The following NELL2 variants were observed in gnomAD, a reference collection of about 807,000 sequenced individuals.
NELL2 encodes protein kinase C-binding protein NELL2.
In NELL2, 41 loss-of-function variants were observed where a neutral mutation model predicts 109.6. The ratio of observed to expected loss-of-function variants is 0.37; its 90% CI spans 0.29 to 0.49. The LOEUF (loss-of-function observed/expected upper bound fraction) is 0.49. Ranked by LOEUF, NELL2 falls within the 20% of genes least tolerant of loss-of-function variation. The pLI is 0.98. For missense variants in NELL2, 900 were observed against 1,008.3 expected (o/e 0.89, Z 1.45); for synonymous variants, 355 against 344.7 (o/e 1.03, Z -0.33).
At chr12:44,692,538 T>C (rs1948934356) in intron 12 of NELL2, among the ~76,000 whole-genome samples, 1 of 152,124 alleles carries the variant, frequency 6.6e-6, no homozygotes, top group Non-Finnish European at 1.5e-5. Context: ...CTTAAGACTA[T>C]AGCTGCCATA....
intron 2 of NELL2, among the ~76,000 whole-genome samples, chr12:44,842,109 G>GACGAAGGAAGGA (rs1944246305): frequency 2.6e-5 from 1 of 38,714 alleles, no homozygotes. Flanking sequence ...GGGAGGGAGG[G>GACGAAGGAAGGA]AGGAAGGAAG....
intron 16 of NELL2, among the ~76,000 whole-genome samples, chr12:44,530,493 C>G (rs1354029365): frequency 6.6e-6 from 1 of 152,296 alleles, no homozygotes; most frequent in East Asian, 1.9e-4. Context: ...CCCAGTGATC[C>G]TCACCACTTA....
intron 9 of NELL2, among the ~76,000 whole-genome samples, chr12:44,746,421 T>C (rs1302810372): frequency 6.6e-6 from 1 of 152,044 alleles, no homozygotes; most frequent in East Asian, 1.9e-4. Flanking sequence ...CCAAAAGCAA[T>C]GGCAACAAAA....
chr12:44,707,946 T>A (rs190325620), intron 11 of NELL2, among the ~76,000 whole-genome samples: 1 of 152,258 alleles, frequency 6.6e-6, no homozygotes, highest in African/African-American at 2.4e-5. Context: ...CTTCTGTATG[T>A]GGATGCCCCT....
At chr12:44,645,648 C>T (rs1947067052) in intron 13 of NELL2, among the ~76,000 whole-genome samples, 2 of 152,158 alleles carry the variant, frequency 1.3e-5, no homozygotes, top group South Asian at 4.1e-4. Context: ...TTCATATTAT[C>T]TAATCAACCA....
At chr12:44,722,608 G>A (rs1475980553) in intron 9 of NELL2, among the ~76,000 whole-genome samples, 1 of 152,122 alleles carries the variant, frequency 6.6e-6, no homozygotes, top group Non-Finnish European at 1.5e-5. Context: ...GTCTTACAAG[G>A]GTGGAAATGG....
At chr12:44,921,372 C>T (rs1335338798) in intron 1 of NELL2, among the ~76,000 whole-genome samples, 3 of 152,134 alleles carry the variant, frequency 2.0e-5, no homozygotes, top group Admixed American at 6.6e-5. Flanking sequence ...GGCTCTCAGA[C>T]GCTTACAGTC....
upstream of NELL2, among the ~76,000 whole-genome samples, chr12:44,879,597 G>C (rs545600450): frequency 6.6e-6 from 1 of 151,910 alleles, no homozygotes; most frequent in African/African-American, 2.4e-5. Flanking sequence ...GGAGAGGGTG[G>C]AACACAGGGA....
chr12:44,865,938 T>A (rs1944987242), intron 2 of NELL2, among the ~76,000 whole-genome samples: 1 of 152,156 alleles, frequency 6.6e-6, no homozygotes, highest in Non-Finnish European at 1.5e-5. Context: ...GAGATTCAAA[T>A]GTTGGAACCT....
intron 9 of NELL2, among the ~76,000 whole-genome samples, chr12:44,747,414 C>T (rs1206841298): frequency 4.0e-5 from 6 of 151,624 alleles, no homozygotes; most frequent in Middle Eastern, 3.2e-3. Flanking sequence ...CAAACCTGCA[C>T]GTTGTGCACA....
chr12:44,916,956 T>A (rs1945833404), upstream of NELL2, among the ~76,000 whole-genome samples: 1 of 152,208 alleles, frequency 6.6e-6, no homozygotes, highest in Non-Finnish European at 1.5e-5. Context: ...TTCAACCTGT[T>A]ATTTATTCAA....
At chr12:44,886,495 T>G (rs1945475260) in intron 1 of NELL2, among the ~76,000 whole-genome samples, 1 of 151,294 alleles carries the variant, frequency 6.6e-6, no homozygotes, top group African/African-American at 2.4e-5. Flanking sequence ...TTAAAAAAGA[T>G]AGGCAAAATA....
At position 44,607,189 on chromosome 12, in the gene NELL2, G is replaced by T. The variant is rs531819680; in HGVS notation, c.1643C>A (p.Thr548Asn). ...CTTACCCGTTTCACAGCTGGGTCCA[G>T]TGAAGCCTTGTGGGCAGGCACACAC... is the stretch of plus-strand genomic sequence containing the variant. ...ANVCACPQGF[T>N]GPSCETDIDE... Residue 548 changes from threonine to asparagine, a missense_variant, in exon 15 of 20, where the codon ACT becomes AAT. Thr to Asn is a moderately conservative substitution (Grantham distance 65). Transcript: ENST00000429094. 6.2e-7 allele frequency: 1 copy of T among 1,612,470 alleles called. No individual in the cohort carries two copies. Among genetic ancestry groups the T allele is most frequent in the Admixed American group, 1.7e-5 (1 of 59,806 alleles).
chr12:44,674,644 T>C (rs1265657041), intron 12 of NELL2, among the ~76,000 whole-genome samples: 1 of 152,180 alleles, frequency 6.6e-6, no homozygotes, highest in African/African-American at 2.4e-5. Flanking sequence ...GTCTTTGTAG[T>C]GATATAAAGA....
intron 18 of NELL2, 81 bp downstream of exon 18, chr12:44,521,919 G>T: frequency 7.1e-7 from 1 of 1,412,388 alleles, no homozygotes; most frequent in Non-Finnish European, 9.8e-7. Flanking sequence ...GCTAGGTATT[G>T]GCAGATGGGG....
chr12:44,517,511 C>A (rs1042342545), intron 19 of NELL2, among the ~76,000 whole-genome samples: 1 of 151,856 alleles, frequency 6.6e-6, no homozygotes, highest in African/African-American at 2.4e-5. Context: ...GCCAATTAAA[C>A]CCCTTTTCTT....
chr12:44,748,061 T>C (rs1010283982), intron 9 of NELL2, among the ~76,000 whole-genome samples: 4 of 152,156 alleles, frequency 2.6e-5, no homozygotes, highest in Non-Finnish European at 2.9e-5. Flanking sequence ...AATTGAGGAT[T>C]GTTCATCAGA....
chr12:44,686,303 G>C (rs1948713955), intron 12 of NELL2, among the ~76,000 whole-genome samples: 1 of 152,092 alleles, frequency 6.6e-6, no homozygotes, highest in African/African-American at 2.4e-5. Context: ...GGTTATTCCA[G>C]TTATACATTC....
At chr12:44,586,493 A>C (rs1219161318) in intron 15 of NELL2, among the ~76,000 whole-genome samples, 1 of 152,068 alleles carries the variant, frequency 6.6e-6, no homozygotes, top group Non-Finnish European at 1.5e-5. Flanking sequence ...TCTGCTCAGA[A>C]TAATAGTGTC....
Sources: gnomAD v4.1 joint callset for allele counts (sites outside exome capture counted in the v4.1 genomes callset) on GRCh38, gnomAD v4.1.1 for gene constraint, MANE v1.5 for transcripts, NCBI Gene and HGNC (gene_info 2026-07-23, HGNC 2026-07-21) for gene names.